Variants in CDC40 observed in about 807,000 individuals in gnomAD.
CDC40 encodes the protein cell division cycle 40, also known as pre-mRNA-processing factor 17.
In CDC40, 27 loss-of-function variants were observed where a neutral mutation model predicts 80.6. That is an observed-to-expected ratio of 0.33 (90% CI 0.25 to 0.46). The LOEUF (loss-of-function observed/expected upper bound fraction) is 0.46. Ranked by LOEUF, CDC40 falls within the 20% of genes least tolerant of loss-of-function variation. The pLI is 1.00. For missense variants in CDC40, 486 were observed against 694.1 expected (o/e 0.70, Z 3.37); for synonymous variants, 221 against 232.6 (o/e 0.95, Z 0.45).
In CDC40 at chr6:110,215,268, G is replaced by GT. The variant is rs572955296; in HGVS notation, c.943-10dup. On this transcript the variant is annotated splice_polypyrimidine_tract_variant and intron_variant, in intron 8 of 14. Coordinates refer to ENST00000307731, the MANE Select transcript of CDC40 (RefSeq NM_015891.3). ...ATTAAATGTAATATTTCCATGTGTT[G>GT]TTTTTTTTCTCCCCCAGCTATGGGA... is the stretch of plus-strand genomic sequence containing the variant. 5.1e-5 allele frequency: 81 copies of GT among 1,602,174 alleles called. 1 individual carries two copies. Among genetic ancestry groups the GT allele is most frequent in the Non-Finnish European group, 6.7e-5 (78 of 1,169,718 alleles).
At chr6:110,192,416 TTAAC>T (rs1457199022) in intron 1 of CDC40, among the ~76,000 whole-genome samples, 5 of 152,194 alleles carry the variant, frequency 3.3e-5, no homozygotes, top group Admixed American at 1.3e-4. Context: ...GGAATTGTGA[TTAAC>T]TAAGAGAAGG....
chr6:110,229,005 G>A (rs201394974), intron 14 of CDC40, 29 bp downstream of exon 14: 42 of 1,545,412 alleles, frequency 2.7e-5, no homozygotes, highest in East Asian at 1.4e-4. Context: ...ATCCATTCTC[G>A]TATTCAAATA....
intron 1 of CDC40, among the ~76,000 whole-genome samples, chr6:110,187,058 A>G (rs1442888647): frequency 6.6e-6 from 1 of 152,080 alleles, no homozygotes; most frequent in African/African-American, 2.4e-5. Context: ...CGCTCACTGC[A>G]AGCTCTGCCT....
intron 8 of CDC40, among the ~76,000 whole-genome samples, chr6:110,213,805 C>T (rs1777667471): frequency 6.6e-6 from 1 of 152,138 alleles, no homozygotes; most frequent in African/African-American, 2.4e-5. Context: ...CTTCTTTTCA[C>T]CTTTTCTAGT....
chr6:110,181,741 A>G lies in CDC40; in HGVS notation c.189+1108A>G, dbSNP rs144204080. 7.1e-3 allele frequency among the ~76,000 whole-genome samples: 1,083 copies of G among 152,064 alleles called. 19 individuals are homozygous for G. Among genetic ancestry groups the G allele is most frequent in the African/African-American group, 0.025 (1,041 of 41,440 alleles). On this transcript the variant is annotated intron_variant, in intron 1 of 14. Transcript: ENST00000307731. ...TTCGTCTCATTTTCTCCTCAACCCA[A>G]TGCAGTCTGGCCCTATCCTCTTGGG... is the stretch of plus-strand genomic sequence containing the variant.
At position 110,196,833 on chromosome 6, in the gene CDC40, T is replaced by C. The variant is rs192354728; in HGVS notation, c.276+3565T>C. Among the ~76,000 whole-genome samples the C allele has an allele frequency of 2.1e-4, 29 of 138,898 alleles. No homozygotes were observed. In the East Asian group the frequency reaches 5.9e-3, roughly 28 times the overall value. The allele number at this position is 138,898 out of a possible 152,430, so 91.1% of individuals were successfully genotyped here. On this transcript the variant is annotated intron_variant, in intron 2 of 14. Transcript: ENST00000307731. ...TGAATTGTGGGGATCTTCTCTTAAT[T>C]TGCAGGAAATAACAGACTCTTCTCA...
rs751647289 is a variant in CDC40 at position 110,210,777 on chromosome 6, C to T, written c.701C>T (p.Pro234Leu). The change falls in exon 6 of 15, where the codon CCT becomes CTT. Residue 234 changes from proline (P) to leucine (L), a missense_variant. Transcript: ENST00000307731. Reference protein sequence around the residue: ...QKKGKQEEEKPGEEKTILHVK... With the variant: ...QKKGKQEEEKLGEEKTILHVK... ...AAAGGAAAACAGGAAGAAGAGAAAC[C>T]TGGGGAGGAGAAGACAATCTTACAT... 6.4e-7 allele frequency: 1 copy of T among 1,563,654 alleles called. No individual in the cohort carries two copies. The highest frequency in any genetic ancestry group is 8.6e-7 in the Non-Finnish European group (1 of 1,156,152).
At chr6:110,213,038 C>G (rs1348795297) in intron 7 of CDC40, 48 bp from the exon 8 acceptor site, 1 of 1,227,184 alleles carries the variant, frequency 8.1e-7, no homozygotes. Flanking sequence ...TTCATTTGAG[C>G]TGATCTTTTG....
intron 1 of CDC40, among the ~76,000 whole-genome samples, chr6:110,189,101 G>A (rs1394236040): frequency 6.6e-6 from 1 of 152,070 alleles, no homozygotes; most frequent in African/African-American, 2.4e-5. Context: ...GTTCATTGTG[G>A]TTACTTTGAG....
chr6:110,227,766 C>T (rs887863109), intron 13 of CDC40, among the ~76,000 whole-genome samples: 2 of 152,116 alleles, frequency 1.3e-5, no homozygotes, highest in Non-Finnish European at 2.9e-5. Flanking sequence ...TATAAGTAAT[C>T]GAGAGGTGAT....
chr6:110,190,686 G>A (rs780882265), intron 1 of CDC40, among the ~76,000 whole-genome samples: 1 of 152,156 alleles, frequency 6.6e-6, no homozygotes, highest in African/African-American at 2.4e-5. Flanking sequence ...CCTGGTTGTA[G>A]TAGGACACCT....
At chr6:110,188,926 T>C (rs1777309795) in intron 1 of CDC40, among the ~76,000 whole-genome samples, 1 of 152,206 alleles carries the variant, frequency 6.6e-6, no homozygotes, top group African/African-American at 2.4e-5. Flanking sequence ...TCTGCCTACT[T>C]GTCAAAGCTG....
At chr6:110,220,672 C>G (rs565426986) in intron 12 of CDC40, among the ~76,000 whole-genome samples, 42 of 152,220 alleles carry the variant, frequency 2.8e-4, no homozygotes, top group Admixed American at 2.1e-3. Flanking sequence ...GTCTCGATTT[C>G]CTGACCTTAT....
In CDC40 at chr6:110,220,680, T is replaced by C. The variant is rs149275459; in HGVS notation, c.1340+811T>C. 9.1e-3 allele frequency among the ~76,000 whole-genome samples: 1,387 copies of C among 152,164 alleles called. 8 individuals are homozygous for C. The highest frequency in any genetic ancestry group is 0.02 in the African/African-American group (816 of 41,500). On this transcript the variant is annotated intron_variant, in intron 12 of 14. Transcript: ENST00000307731. Reference sequence around the variant, plus strand: ...CAGGATGGTCTCGATTTCCTGACCTTATGATCCGCCCACCTTGGCCTCCCA... The same window carrying C: ...CAGGATGGTCTCGATTTCCTGACCTCATGATCCGCCCACCTTGGCCTCCCA...
intron 1 of CDC40, among the ~76,000 whole-genome samples, chr6:110,187,046 T>G (rs1777281761): frequency 6.6e-6 from 1 of 152,172 alleles, no homozygotes; most frequent in African/African-American, 2.4e-5. Context: ...TGGCGCAATC[T>G]CCGCTCACTG....
chr6:110,226,240 A>C lies in CDC40; in HGVS notation c.1414A>C (p.Asn472His). Residue 472 changes from asparagine to histidine, a missense_variant, in exon 13 of 15, where the codon AAT becomes CAT. This residue lies in a region of CDC40 where 88 missense variants were observed against 138.7 expected (regional missense o/e 0.63). Coordinates refer to ENST00000307731, the MANE Select transcript of CDC40 (RefSeq NM_015891.3). ...HSMPAVTLSP[N>H]GKWLACQSMD... ...AATGCCTGCAGTGACTTTGTCTCCA[A>C]ATGGTGAGTTAGTATGTAGATTGTA... 6.3e-7 allele frequency: 1 copy of C among 1,579,116 alleles called. No homozygotes were observed. The highest frequency in any genetic ancestry group is 2.2e-5 in the East Asian group (1 of 44,632).
chr6:110,187,724 A>G (rs1777293036), intron 1 of CDC40, among the ~76,000 whole-genome samples: 2 of 152,208 alleles, frequency 1.3e-5, no homozygotes, highest in South Asian at 2.1e-4. Context: ...AGAAATGTGG[A>G]AAAGACTGAA....
chr6:110,228,706 A>G, intron 13 of CDC40, 126 bp from the exon 14 acceptor site: 2 of 649,444 alleles, frequency 3.1e-6, no homozygotes, highest in Non-Finnish European at 4.9e-6. Context: ...TAGTAAATTT[A>G]TTTTTTAGTA....
chr6:110,209,602 T>G (rs922375645), intron 5 of CDC40, among the ~76,000 whole-genome samples: 9 of 152,122 alleles, frequency 5.9e-5, no homozygotes, highest in Admixed American at 5.2e-4. Flanking sequence ...ATTTATGAAT[T>G]TATTTAAAAT....
Sources: allele counts gnomAD v4.1 joint callset (sites outside exome capture counted in the v4.1 genomes callset), GRCh38; gene constraint gnomAD v4.1.1; regional missense constraint gnomAD v4.1.1; transcripts MANE v1.5; gene names NCBI Gene and HGNC (gene_info 2026-07-23, HGNC 2026-07-21).